The following RPSA2 variants were observed in gnomAD, a reference collection of about 807,000 sequenced individuals.
The protein encoded by RPSA2 is small ribosomal subunit protein uS2B.
the RPSA2 span, among the ~76,000 whole-genome samples, chr19:23,785,838 G>A: frequency 6.6e-6 from 1 of 152,138 alleles, no homozygotes; most frequent in South Asian, 2.1e-4. Flanking sequence ...TAGGCCTAGG[G>A]TAATGATTAA....
chr19:23,824,811 G>T, the RPSA2 span, among the ~76,000 whole-genome samples: 1 of 82,844 alleles, frequency 1.2e-5, no homozygotes, highest in Non-Finnish European at 2.3e-5. Context: ...TTTAAATCAA[G>T]TATTATTGGT....
At chr19:23,852,127 G>A in the RPSA2 span, among the ~76,000 whole-genome samples, 3 of 152,162 alleles carry the variant, frequency 2.0e-5, no homozygotes, top group African/African-American at 7.2e-5. Flanking sequence ...CTGTACCCTA[G>A]ACAACTGGGC....
At chr19:23,864,797 T>G in the RPSA2 span, among the ~76,000 whole-genome samples, 2 of 152,168 alleles carry the variant, frequency 1.3e-5, no homozygotes, top group Non-Finnish European at 2.9e-5. Context: ...AATTAAGATT[T>G]AAATTTTTAA....
chr19:23,818,056 T>A, the RPSA2 span: 148,939 of 152,260 alleles, frequency 0.98, 72,936 homozygotes, highest in Middle Eastern at 1. Context: ...TTTCTTTACA[T>A]CCTCTACTTC....
the RPSA2 span, among the ~76,000 whole-genome samples, chr19:23,779,339 C>T: frequency 1.3e-5 from 2 of 152,114 alleles, no homozygotes; most frequent in African/African-American, 4.8e-5. Context: ...TAATAAGACT[C>T]TTCTCCATTG....
chr19:23,850,550 A>G, the RPSA2 span, among the ~76,000 whole-genome samples: 5 of 150,184 alleles, frequency 3.3e-5, no homozygotes, highest in African/African-American at 9.8e-5. Flanking sequence ...TCTGACACAG[A>G]CGTCTTTTCT....
At chr19:23,857,225 T>A in the RPSA2 span, among the ~76,000 whole-genome samples, 2 of 152,210 alleles carry the variant, frequency 1.3e-5, no homozygotes, top group Non-Finnish European at 2.9e-5. Flanking sequence ...ACAATCAATT[T>A]GTACAGTTAA....
the RPSA2 span, among the ~76,000 whole-genome samples, chr19:23,862,093 G>T: frequency 6.6e-6 from 1 of 151,942 alleles, no homozygotes; most frequent in East Asian, 1.9e-4. Flanking sequence ...GGTCCTTCAC[G>T]TCCCTTGTAA....
chr19:23,821,275 C>G, the RPSA2 span, among the ~76,000 whole-genome samples: 1 of 152,170 alleles, frequency 6.6e-6, no homozygotes, highest in Non-Finnish European at 1.5e-5. Context: ...GGGGGCCATC[C>G]CAGCGCCATG....
the RPSA2 span, among the ~76,000 whole-genome samples, chr19:23,779,218 T>C: frequency 6.6e-6 from 1 of 151,922 alleles, no homozygotes; most frequent in Non-Finnish European, 1.5e-5. Flanking sequence ...GCCAGGATGG[T>C]CTCGATCTCC....
the RPSA2 span, among the ~76,000 whole-genome samples, chr19:23,764,316 A>G: frequency 2.0e-5 from 3 of 152,192 alleles, no homozygotes; most frequent in African/African-American, 7.2e-5. Context: ...TCTTTCCTAC[A>G]TTCTCAAATG....
chr19:23,859,832 G>A, the RPSA2 span, among the ~76,000 whole-genome samples: 1 of 152,106 alleles, frequency 6.6e-6, no homozygotes, highest in Non-Finnish European at 1.5e-5. Context: ...TTGTAAATAT[G>A]CCTACTCTTT....
chr19:23,800,288 C>T, the RPSA2 span, among the ~76,000 whole-genome samples: 1 of 151,982 alleles, frequency 6.6e-6, no homozygotes, highest in Non-Finnish European at 1.5e-5. Context: ...ATGATCGACC[C>T]GCCTTGGCCT....
the RPSA2 span, among the ~76,000 whole-genome samples, chr19:23,826,609 T>C: frequency 6.6e-6 from 1 of 152,192 alleles, no homozygotes; most frequent in African/African-American, 2.4e-5. Flanking sequence ...GCTCATTTCA[T>C]TTTGCATAAT....
the RPSA2 span, among the ~76,000 whole-genome samples, chr19:23,816,791 G>A: frequency 1.3e-5 from 2 of 152,292 alleles, no homozygotes; most frequent in African/African-American, 2.4e-5. Context: ...GTGGCAGACA[G>A]AGAGCTTGTG....
the RPSA2 span, among the ~76,000 whole-genome samples, chr19:23,830,407 A>G: frequency 6.6e-6 from 1 of 152,164 alleles, no homozygotes; most frequent in Non-Finnish European, 1.5e-5. Flanking sequence ...TGCCTCCCAA[A>G]GTGCCTGGAT....
the RPSA2 span, among the ~76,000 whole-genome samples, chr19:23,840,673 A>T: frequency 6.6e-6 from 1 of 152,170 alleles, no homozygotes; most frequent in African/African-American, 2.4e-5. Context: ...ATTACAAAAC[A>T]TGCGCTGGGC....
chr19:23,813,119 C>T, the RPSA2 span, among the ~76,000 whole-genome samples: 1 of 150,856 alleles, frequency 6.6e-6, no homozygotes, highest in Non-Finnish European at 1.5e-5. Context: ...CCTGTGGTCT[C>T]AGCTACTTGA....
the RPSA2 span, among the ~76,000 whole-genome samples, chr19:23,816,251 A>G: frequency 6.6e-6 from 1 of 151,990 alleles, no homozygotes; most frequent in Non-Finnish European, 1.5e-5. Flanking sequence ...CTCTCATTTC[A>G]GCCTCTTAGG....
Sources: gnomAD v4.1 joint callset for allele counts (sites outside exome capture counted in the v4.1 genomes callset) on GRCh38, gnomAD v4.1.1 for gene constraint, MANE v1.5 for transcripts, NCBI Gene and HGNC (gene_info 2026-07-23, HGNC 2026-07-21) for gene names.